SLC35F3: variants seen among roughly 807,000 people sequenced by gnomAD.
The protein encoded by SLC35F3 is solute carrier family 35 member F3, also known as putative thiamine transporter SLC35F3.
Under a neutral mutation model 49.9 loss-of-function variants are expected in SLC35F3, and 25 were observed. The ratio of observed to expected loss-of-function variants is 0.50; its 90% confidence interval spans 0.37 to 0.70. SLC35F3 has a LOEUF of 0.70. Ranked by LOEUF, SLC35F3 falls within the 30% of genes least tolerant of loss-of-function variation. The probability of loss-of-function intolerance (pLI) is 0.00; values close to 1 mark genes in which losing one functional copy is unlikely to be tolerated. For missense variants in SLC35F3, 525 were observed against 639.8 expected (o/e 0.82, Z 1.94); for synonymous variants, 275 against 265.4 (o/e 1.04, Z -0.35).
At chr1:234,037,335 C>T (rs575573774) in intron 2 of SLC35F3, among the ~76,000 whole-genome samples, 13 of 152,328 alleles carry the variant, frequency 8.5e-5, no homozygotes, top group African/African-American at 2.9e-4. Context: ...GCAAAAACTA[C>T]TCACTCACTG....
At chr1:233,968,856 C>T (rs1031112283) in intron 2 of SLC35F3, among the ~76,000 whole-genome samples, 28 of 152,118 alleles carry the variant, frequency 1.8e-4, no homozygotes, top group Non-Finnish European at 3.7e-4. Context: ...TCTATTATTC[C>T]TGTCTTTATG....
chr1:233,938,162 A>T (rs73096493), intron 2 of SLC35F3, among the ~76,000 whole-genome samples: 3 of 152,044 alleles, frequency 2.0e-5, no homozygotes, highest in African/African-American at 4.8e-5. Context: ...CACAGAAACA[A>T]TAGGAGAATA....
Position 234,231,722 on chromosome 1 carries a change from T to C in SLC35F3, c.589T>C (p.Ser197Pro). 1 of 1,611,532 alleles carries C rather than the reference T, an allele frequency of 6.2e-7. No homozygotes were observed. Among genetic ancestry groups the C allele is most frequent in the Non-Finnish European group, 8.5e-7 (1 of 1,178,294 alleles). Residue 197 changes from serine (S) to proline (P), a missense_variant, in exon 3 of 8, where the codon TCT becomes CCT. By Grantham distance (74) the Ser-to-Pro change is moderately conservative. Around this residue, in one of 4 missense-constraint regions of SLC35F3, gnomAD observed 216 missense variants for 298.1 expected, o/e 0.72. Coordinates refer to ENST00000366618, the MANE Select transcript of SLC35F3 (RefSeq NM_173508.4). This position sits in a 1 kb window ranked among gnomAD's most constrained non-coding sequence, Gnocchi z 5.4. ...CGTCTGCAAGTCCACAGAGAAGCAG[T>C]CTGTGAAGCAGCGATACAGGTAGGC... ...GHVCKSTEKQ[S>P]VKQRYRECCR...
chr1:233,992,303 G>A (rs984837994), intron 2 of SLC35F3, among the ~76,000 whole-genome samples: 2 of 152,160 alleles, frequency 1.3e-5, no homozygotes, highest in Admixed American at 6.5e-5. Flanking sequence ...TTGGTATTAA[G>A]AACACCTCAA....
chr1:233,905,442 G>T, intron 1 of SLC35F3, 87 bp from the exon 2 acceptor site: 1 of 1,039,510 alleles, frequency 9.6e-7, no homozygotes, highest in Non-Finnish European at 1.4e-6. Context: ...TCTTGCTCTC[G>T]CCCTGGGATC....
rs571044842 is a variant in SLC35F3 at position 234,214,728 on chromosome 1, G to A, written c.284-16689G>A. ...AGTGCAGAGCGCCGCCGCCTGCGTG[G>A]GGGGATCTGGCAGCTTCAGGGGCTG... On this transcript the variant is annotated intron_variant, in intron 2 of 7. Coordinates refer to ENST00000366618, the MANE Select transcript of SLC35F3 (RefSeq NM_173508.4). This position sits in a 1 kb window ranked among gnomAD's most constrained non-coding sequence, Gnocchi z 8.0. The A allele has an allele frequency of 2.1e-5, 22 of 1,051,308 alleles. No homozygotes were observed. In the East Asian group the frequency reaches 6.2e-4, roughly 30 times the overall value. 65.1% of individuals were successfully genotyped at this position (1,051,308 alleles called of 1,614,324 possible). A position where few individuals can be genotyped will look rare whatever the true frequency, so the allele number is the denominator to read the frequency against.
chr1:234,096,422 C>A (rs955911021), intron 2 of SLC35F3, among the ~76,000 whole-genome samples: 11 of 152,154 alleles, frequency 7.2e-5, no homozygotes, highest in Admixed American at 6.5e-5. Flanking sequence ...ACCCATGGAA[C>A]GTGCTTCATC....
chr1:234,284,999 A>G (rs10910407), intron 3 of SLC35F3: 57,584 of 174,722 alleles, frequency 0.33, 10,034 homozygotes, highest in African/African-American at 0.45. Flanking sequence ...AAATCAGACT[A>G]TAGATGTTCC....
intron 2 of SLC35F3, among the ~76,000 whole-genome samples, chr1:234,200,139 A>G (rs1666879225): frequency 1.3e-5 from 2 of 152,124 alleles, no homozygotes; most frequent in African/African-American, 4.8e-5. Flanking sequence ...CTGGGTATAG[A>G]GCCAAAGGAA....
At chr1:234,011,878 G>T (rs529859318) in intron 2 of SLC35F3, among the ~76,000 whole-genome samples, 1 of 152,246 alleles carries the variant, frequency 6.6e-6, no homozygotes, top group African/African-American at 2.4e-5. Context: ...ACTGAGAAAA[G>T]AAATAAGACA....
At position 234,311,600 on chromosome 1, in the gene SLC35F3, G is replaced by A. The variant is rs1169067253; in HGVS notation, c.828+2280G>A. 2.0e-5 allele frequency among the ~76,000 whole-genome samples: 3 copies of A among 152,204 alleles called. No individual in the cohort carries two copies. In the East Asian group the frequency reaches 5.8e-4, roughly 29 times the overall value. On this transcript the variant is annotated intron_variant, in intron 4 of 7. Coordinates refer to ENST00000366618, the MANE Select transcript of SLC35F3 (RefSeq NM_173508.4). ...GGTTCCTGGAAAACATCAATAGGTC[G>A]AAGTCATGTGCGCAGATCCAAAAGG...
Position 234,236,925 on chromosome 1 carries a change from TTATATATATATATATATATA to T in SLC35F3, c.608+5204_608+5223del, listed in dbSNP as rs55846915. ...AGACAGTCTCCTATTAAAAAAAAAA[TTATATATATATATATATATA>T]TATATATATATATATATATGGAGGA... On this transcript the variant is annotated intron_variant, in intron 3 of 7. Coordinates refer to ENST00000366618, the MANE Select transcript of SLC35F3 (RefSeq NM_173508.4). Among the ~76,000 whole-genome samples, 154 of 96,294 alleles carry T rather than the reference TTATATATATATATATATATA, an allele frequency of 1.6e-3. 4 individuals are homozygous for T. The highest frequency in any genetic ancestry group is 1.9e-3 in the African/African-American group (47 of 24,684). The allele number at this position is 96,294 out of a possible 152,430, so 63.2% of individuals were successfully genotyped here.
intron 3 of SLC35F3, among the ~76,000 whole-genome samples, chr1:234,241,189 A>G (rs557736968): frequency 6.6e-6 from 1 of 152,288 alleles, no homozygotes; most frequent in African/African-American, 2.4e-5. Context: ...CCTGCCCTTC[A>G]TAGAAACAGA....
intron 2 of SLC35F3, among the ~76,000 whole-genome samples, chr1:234,086,479 T>C (rs1287971734): frequency 1.3e-5 from 2 of 152,226 alleles, no homozygotes; most frequent in Non-Finnish European, 2.9e-5. Context: ...ACTATATTTA[T>C]TCATCCTTTG....
chr1:233,914,095 G>T (rs929482475), intron 2 of SLC35F3, among the ~76,000 whole-genome samples: 1 of 152,058 alleles, frequency 6.6e-6, no homozygotes, highest in South Asian at 2.1e-4. Flanking sequence ...TACATCCTCC[G>T]TTTGGGCCCT....
At position 234,072,824 on chromosome 1, in the gene SLC35F3, A is replaced by G. The variant is rs143050171; in HGVS notation, c.284-158593A>G. On this transcript the variant is annotated intron_variant, in intron 2 of 7. Transcript: ENST00000366618. The stretch of plus-strand genomic sequence containing the variant: ...GGGTCCCCATCACACCAGGCCTCAG[A>G]GGTCTTGTAAGGACCTTGGCTTGGC... Among the ~76,000 whole-genome samples the G allele has an allele frequency of 3.5e-3, 535 of 152,308 alleles. 2 individuals carry two copies. The Middle Eastern group carries it at 0.048, about 14-fold the overall frequency.
At chr1:234,051,649 TA>T (rs1664379429) in intron 2 of SLC35F3, among the ~76,000 whole-genome samples, 1 of 152,208 alleles carries the variant, frequency 6.6e-6, no homozygotes, top group South Asian at 2.1e-4. Flanking sequence ...CCTGCCTGAT[TA>T]CCCTGGCCAG....
intron 2 of SLC35F3, among the ~76,000 whole-genome samples, chr1:233,973,866 T>A (rs1663033126): frequency 6.6e-6 from 1 of 152,238 alleles, no homozygotes; most frequent in South Asian, 2.1e-4. Context: ...CTTTTCTTTT[T>A]GAAACCAGTG....
intron 2 of SLC35F3, among the ~76,000 whole-genome samples, chr1:233,942,652 A>C (rs1452411459): frequency 6.6e-6 from 1 of 152,162 alleles, no homozygotes; most frequent in Non-Finnish European, 1.5e-5. Context: ...AGGCTCAAGC[A>C]ATCTGCCCGC....
Sources: gnomAD v4.1 joint callset for allele counts (sites outside exome capture counted in the v4.1 genomes callset) on GRCh38, gnomAD v4.1.1 for gene constraint, gnomAD v4.1.1 regional missense constraint, Gnocchi (gnomAD v3.1) non-coding constraint, MANE v1.5 for transcripts, NCBI Gene and HGNC (gene_info 2026-07-23, HGNC 2026-07-21) for gene names.